PCDH15: variants seen among roughly 807,000 people sequenced by gnomAD.
PCDH15 encodes protocadherin related 15.
A neutral mutation model predicts 178.5 loss-of-function variants in PCDH15; 129 were observed. The observed-to-expected ratio is 0.72, with a 90% CI of 0.63 to 0.84. The LOEUF (loss-of-function observed/expected upper bound fraction) is 0.84, where lower values mean the gene tolerates loss of function less well. Ranked by LOEUF, PCDH15 falls within the 40% of genes least tolerant of loss-of-function variation. The pLI is 0.00. For synonymous variants in PCDH15, 800 were observed against 732.0 expected (o/e 1.09, Z -1.50); for missense variants, 2,230 against 2,099.9 (o/e 1.06, Z -1.21).
intron 5 of PCDH15, among the ~76,000 whole-genome samples, chr10:54,358,117 T>C (rs1945343187): frequency 6.7e-6 from 1 of 148,882 alleles, no homozygotes; most frequent in Non-Finnish European, 1.5e-5. Context: ...AAGGACTTCA[T>C]GTCTAAAACA....
intron 7 of PCDH15, among the ~76,000 whole-genome samples, chr10:54,318,085 A>G (rs1280287136): frequency 6.6e-6 from 1 of 152,104 alleles, no homozygotes; most frequent in Admixed American, 6.5e-5. Flanking sequence ...CTGAGGTGTT[A>G]ATCTTTTATA....
At chr10:55,269,488 T>C (rs1842384232) in intron 1 of PCDH15, among the ~76,000 whole-genome samples, 2 of 152,032 alleles carry the variant, frequency 1.3e-5, no homozygotes, top group African/African-American at 4.8e-5. Flanking sequence ...ACACCAATAA[T>C]GTTCAGGCTG....
At chr10:54,873,188 C>T (rs1954071247) in intron 3 of PCDH15, among the ~76,000 whole-genome samples, 1 of 152,036 alleles carries the variant, frequency 6.6e-6, no homozygotes, top group Middle Eastern at 3.4e-3. Context: ...TTTTATATAT[C>T]GTAGGTTCTC....
chr10:55,511,764 T>A (rs1288626888), intron 2 of PCDH15, among the ~76,000 whole-genome samples: 2 of 152,094 alleles, frequency 1.3e-5, no homozygotes, highest in Non-Finnish European at 2.9e-5. Context: ...GCTATTTGTA[T>A]GTTCATGAGA....
At chr10:54,779,498 ACACACATATATGTGTG>A (rs1950131300) in intron 1 of PCDH15, among the ~76,000 whole-genome samples, 2 of 141,948 alleles carry the variant, frequency 1.4e-5, no homozygotes, top group Non-Finnish European at 3.1e-5. Flanking sequence ...GTATATATAT[ACACACATATATGTGTG>A]TATATATATA....
chr10:55,378,969 G>A (rs556599717), intron 2 of PCDH15, among the ~76,000 whole-genome samples: 10 of 149,682 alleles, frequency 6.7e-5, no homozygotes, highest in Admixed American at 1.3e-4. Context: ...TATTTTTCCC[G>A]TATCATAGTC....
rs535181414 is a variant in PCDH15 at position 54,511,584 on chromosome 10, G to A, written c.157+16228C>T. Reference sequence around the variant, plus strand: ...GTCTCAACTGATGTCTTCAGTTTATGTGATATATCATACGGTCACTTTATG... The same window carrying A: ...GTCTCAACTGATGTCTTCAGTTTATATGATATATCATACGGTCACTTTATG... On this transcript the variant is annotated intron_variant, in intron 3 of 37. Transcript: ENST00000644397. Among the ~76,000 whole-genome samples, 155 of 152,204 alleles carry A rather than the reference G, an allele frequency of 1.0e-3. 1 individual carries two copies. Among genetic ancestry groups the A allele is most frequent in the African/African-American group, 3.6e-3 (151 of 41,520 alleles).
rs867355825 is a variant in PCDH15, at chr10:54,332,325, C to A, written c.595-2619G>T. Among the ~76,000 whole-genome samples the A allele has an allele frequency of 9.5e-5, 11 of 115,694 alleles. 1 individual carries two copies. The highest frequency in any genetic ancestry group is 1.5e-4 in the African/African-American group (5 of 32,814). 75.9% of individuals were successfully genotyped at this position (115,694 alleles called of 152,430 possible). ...ATTATTATATATAATATAATATAAT[C>A]TATATTATATATTATTATATATAAT... On this transcript the variant is annotated intron_variant, in intron 6 of 37. Transcript: ENST00000644397.
intron 10 of PCDH15, among the ~76,000 whole-genome samples, chr10:54,199,080 G>C (rs899398134): frequency 8.5e-5 from 13 of 152,100 alleles, no homozygotes; most frequent in African/African-American, 1.2e-4. Context: ...GATCTATGAA[G>C]ATAATCTAAT....
chr10:53,961,924 G>C, intron 21 of PCDH15, 32 bp from the exon 22 acceptor site: 2 of 1,554,324 alleles, frequency 1.3e-6, no homozygotes, highest in Non-Finnish European at 8.9e-7. Flanking sequence ...TTAATTTGCT[G>C]TTACCAAGTT....
At chr10:53,827,629 G>T in intron 31 of PCDH15, 81 bp from the exon 32 acceptor site, 2 of 1,522,934 alleles carry the variant, frequency 1.3e-6, no homozygotes, top group Non-Finnish European at 1.8e-6. Flanking sequence ...TAATAATGGG[G>T]TCCAGTTATC....
At chr10:55,503,117 T>G (rs1365436586) in intron 2 of PCDH15, among the ~76,000 whole-genome samples, 2 of 151,422 alleles carry the variant, frequency 1.3e-5, no homozygotes, top group East Asian at 1.9e-4. Flanking sequence ...AGTTTTGAAT[T>G]ATTAATTCAT....
intron 2 of PCDH15, among the ~76,000 whole-genome samples, chr10:55,106,565 G>A (rs546962071): frequency 1.3e-5 from 2 of 152,080 alleles, no homozygotes; most frequent in South Asian, 4.1e-4. Context: ...ACAGGCACTC[G>A]CCACCACATC....
chr10:54,701,770 A>G (rs2095311387), intron 1 of PCDH15, among the ~76,000 whole-genome samples: 1 of 152,114 alleles, frequency 6.6e-6, no homozygotes, highest in South Asian at 2.1e-4. Flanking sequence ...CTAAATATAT[A>G]CATGCCCAAC....
At chr10:53,888,663 T>TTA (rs1564692607) in intron 26 of PCDH15, among the ~76,000 whole-genome samples, 1 of 16,866 alleles carries the variant, frequency 5.9e-5, no homozygotes, top group Non-Finnish European at 1.2e-4. Flanking sequence ...CAGTTAAGTT[T>TTA]GATATATATA....
intron 2 of PCDH15, among the ~76,000 whole-genome samples, chr10:55,044,020 G>A (rs1409355489): frequency 6.6e-6 from 1 of 152,112 alleles, no homozygotes; most frequent in Non-Finnish European, 1.5e-5. Flanking sequence ...CAAATTGCTT[G>A]TGGACAGCCA....
At chr10:54,210,486 G>C (rs1178804584) in intron 10 of PCDH15, among the ~76,000 whole-genome samples, 2 of 152,046 alleles carry the variant, frequency 1.3e-5, no homozygotes, top group South Asian at 2.1e-4. Flanking sequence ...ACATTCAATA[G>C]AGTAATTGGG....
chr10:54,187,152 G>A (rs1358525137), intron 11 of PCDH15, among the ~76,000 whole-genome samples: 2 of 151,850 alleles, frequency 1.3e-5, no homozygotes, highest in Admixed American at 6.6e-5. Context: ...AATGCAAGCT[G>A]AGGAAGTTTT....
intron 23 of PCDH15, among the ~76,000 whole-genome samples, chr10:53,946,923 CCCA>C (rs1461362302): frequency 6.6e-6 from 1 of 151,930 alleles, no homozygotes; most frequent in Non-Finnish European, 1.5e-5. Flanking sequence ...ATTACAGGCG[CCCA>C]CCACCACACC....
Sources: gnomAD v4.1 joint callset for allele counts (sites outside exome capture counted in the v4.1 genomes callset) on GRCh38, gnomAD v4.1.1 for gene constraint, MANE v1.5 for transcripts, NCBI Gene and HGNC (gene_info 2026-07-23, HGNC 2026-07-21) for gene names.